DDX10: variants seen among roughly 807,000 people sequenced by gnomAD.
DDX10 encodes DEAD-box helicase 10, also known as probable ATP-dependent RNA helicase DDX10.
Under a neutral mutation model 104.3 loss-of-function variants are expected in DDX10, and 74 were observed. That is an observed-to-expected ratio of 0.71 (90% CI 0.59 to 0.86). The LOEUF is 0.86. DDX10 is among the 40% of genes least tolerant of loss of function. The probability of loss-of-function intolerance (pLI) is 0.00; values close to 1 mark genes in which losing one functional copy is unlikely to be tolerated. For synonymous variants in DDX10, 351 were observed against 353.4 expected, an observed-to-expected ratio of 0.99 and a Z score of 0.08; for missense variants, 952 against 1,040.0, an observed-to-expected ratio of 0.92 and a Z score of 1.16.
intron 16 of DDX10, among the ~76,000 whole-genome samples, chr11:108,859,104 A>G (rs930828667): frequency 4.6e-5 from 7 of 152,234 alleles, no homozygotes; most frequent in African/African-American, 1.7e-4. Context: ...TAGGAGAGCT[A>G]GCACTCAGAT....
At chr11:108,724,180 C>T (rs1196294691) in intron 13 of DDX10, among the ~76,000 whole-genome samples, 6 of 151,872 alleles carry the variant, frequency 4.0e-5, no homozygotes, top group Non-Finnish European at 7.4e-5. Flanking sequence ...TTGATTCTTA[C>T]TCTTTATACA....
At position 108,693,975 on chromosome 11, in the gene DDX10, T is replaced by C. The variant is rs569760078; in HGVS notation, c.1223+375T>C. ...CCTGAAATCTCAGTACCAAACCCAA[T>C]ATATGCTATGTTTTTTCAGTCTAGT... On this transcript the variant is annotated intron_variant, in intron 9 of 17. Coordinates refer to ENST00000322536, the MANE Select transcript of DDX10 (RefSeq NM_004398.4). 2.0e-5 allele frequency among the ~76,000 whole-genome samples: 3 copies of C among 152,268 alleles called. No individual in the cohort carries two copies. The South Asian group carries it at 6.2e-4, about 32-fold the overall frequency.
At chr11:108,843,672 C>T (rs1862672715) in intron 15 of DDX10, among the ~76,000 whole-genome samples, 1 of 151,708 alleles carries the variant, frequency 6.6e-6, no homozygotes, top group African/African-American at 2.4e-5. Context: ...AGGAGAATTG[C>T]TTGAACCTGG....
At chr11:108,784,244 G>C (rs1861754679) in intron 13 of DDX10, among the ~76,000 whole-genome samples, 1 of 152,124 alleles carries the variant, frequency 6.6e-6, no homozygotes, top group Non-Finnish European at 1.5e-5. Context: ...TTTCCAAAGT[G>C]GCTAAACTAG....
intron 16 of DDX10, among the ~76,000 whole-genome samples, chr11:108,912,384 A>G (rs1226942567): frequency 6.6e-6 from 1 of 152,110 alleles, no homozygotes; most frequent in African/African-American, 2.4e-5. Flanking sequence ...TCCTTCCTTA[A>G]TATTTCTCAT....
At chr11:108,764,930 G>T (rs1280457978) in intron 13 of DDX10, among the ~76,000 whole-genome samples, 2 of 152,130 alleles carry the variant, frequency 1.3e-5, no homozygotes, top group South Asian at 2.1e-4. Context: ...GAAAAAACCT[G>T]TTCTTCAAAA....
intron 16 of DDX10, among the ~76,000 whole-genome samples, chr11:108,900,418 G>C (rs2162158): frequency 0.19 from 28,527 of 152,100 alleles, 2,868 homozygotes; most frequent in East Asian, 0.27. Context: ...CAGAATTCCA[G>C]GTCCAGTCCA....
rs764471329 is a variant in DDX10, at chr11:108,679,418, A to C, written c.706A>C (p.Met236Leu). Residue 236 changes from methionine (M) to leucine (L), a missense_variant, in exon 6 of 18, where the codon ATG (methionine) becomes CTG (leucine). By Grantham distance (15) the Met-to-Leu change is conservative. Coordinates refer to ENST00000322536, the MANE Select transcript of DDX10 (RefSeq NM_004398.4). Reference protein sequence around the residue: ...RILDMGFADTMNAVIENLPKK... With the variant: ...RILDMGFADTLNAVIENLPKK... ...CTTGGATATGGGCTTTGCTGATACC[A>C]TGAATGCTGTTATTGAAAATCTCCC... The C allele has an allele frequency of 6.2e-7, 1 of 1,610,904 alleles. No individual in the cohort carries two copies. The highest frequency in any genetic ancestry group is 8.5e-7 in the Non-Finnish European group (1 of 1,179,478).
chr11:108,776,284 G>A (rs546316380), intron 13 of DDX10, among the ~76,000 whole-genome samples: 5 of 152,266 alleles, frequency 3.3e-5, no homozygotes, highest in Admixed American at 2.6e-4. Flanking sequence ...TGAGCTCCTT[G>A]GAGTTTTGCC....
At chr11:108,824,662 T>C (rs1410725268) in intron 13 of DDX10, among the ~76,000 whole-genome samples, 1 of 152,190 alleles carries the variant, frequency 6.6e-6, no homozygotes, top group Non-Finnish European at 1.5e-5. Flanking sequence ...GCTGCTTGCT[T>C]CCTAATATAG....
chr11:108,905,396 T>TTAACTAC (rs1863582832), intron 16 of DDX10, among the ~76,000 whole-genome samples: 1 of 150,628 alleles, frequency 6.6e-6, no homozygotes, highest in Admixed American at 6.6e-5. Flanking sequence ...CGTCTTTATA[T>TTAACTAC]TCTACTAACT....
chr11:108,911,777 ATCTCGAACT>A (rs1863683593), intron 16 of DDX10, among the ~76,000 whole-genome samples: 1 of 151,620 alleles, frequency 6.6e-6, no homozygotes, highest in African/African-American at 2.4e-5. Context: ...GTGCAGACTG[ATCTCGAACT>A]TCTGAGCTCA....
chr11:108,684,396 T>G (rs2094240291), intron 6 of DDX10, among the ~76,000 whole-genome samples: 1 of 119,496 alleles, frequency 8.4e-6, no homozygotes, highest in Admixed American at 9.9e-5. Flanking sequence ...TTCCCCTTCC[T>G]GTGTCCATGT....
chr11:108,820,940 G>A (rs1283255220), intron 13 of DDX10, among the ~76,000 whole-genome samples: 1 of 152,200 alleles, frequency 6.6e-6, no homozygotes, highest in Admixed American at 6.5e-5. Context: ...TAGAATGCAT[G>A]TCAGAGTCTT....
At chr11:108,937,648 C>T (rs547091358) in intron 17 of DDX10, among the ~76,000 whole-genome samples, 22 of 152,208 alleles carry the variant, frequency 1.4e-4, no homozygotes, top group East Asian at 1.9e-4. Flanking sequence ...TCATCTGTTC[C>T]GATTACATAT....
At chr11:108,691,745 C>T in intron 7 of DDX10, 131 bp from the exon 8 acceptor site, 1 of 630,692 alleles carries the variant, frequency 1.6e-6, no homozygotes, top group Non-Finnish European at 2.5e-6. Context: ...AGTTTCTTTA[C>T]TTTTTTTACT....
At chr11:108,828,788 T>C (rs915256238) in intron 13 of DDX10, among the ~76,000 whole-genome samples, 3 of 152,168 alleles carry the variant, frequency 2.0e-5, no homozygotes, top group African/African-American at 7.2e-5. Flanking sequence ...TATGCCTGGC[T>C]AATTTTTGTA....
At chr11:108,674,275 G>A (rs926587109) in intron 2 of DDX10, among the ~76,000 whole-genome samples, 7 of 151,758 alleles carry the variant, frequency 4.6e-5, no homozygotes, top group African/African-American at 1.7e-4. Flanking sequence ...ACTCCAGCCT[G>A]GGCAACAGAG....
intron 1 of DDX10, among the ~76,000 whole-genome samples, chr11:108,673,022 C>T (rs1290721266): frequency 1.3e-5 from 2 of 152,160 alleles, no homozygotes; most frequent in African/African-American, 4.8e-5. Context: ...AATATTTCTC[C>T]AACTAATTTC....
Sources: gnomAD v4.1 joint callset for allele counts (sites outside exome capture counted in the v4.1 genomes callset) on GRCh38, gnomAD v4.1.1 for gene constraint, MANE v1.5 for transcripts, NCBI Gene and HGNC (gene_info 2026-07-23, HGNC 2026-07-21) for gene names.